COLEC11: variants seen among roughly 807,000 people sequenced by gnomAD.
COLEC11 encodes collectin-11.
A neutral mutation model predicts 27.3 loss-of-function variants in COLEC11; 20 were observed. The observed-to-expected ratio is 0.73, with a 90% CI of 0.51 to 1.06. The LOEUF (loss-of-function observed/expected upper bound fraction) is 1.06. COLEC11 is among the 50% of genes least tolerant of loss of function. COLEC11 has a pLI of 0.00. For missense variants in COLEC11, 310 were observed against 383.0 expected, an observed-to-expected ratio of 0.81 and a Z score of 1.59; for synonymous variants, 163 against 154.7, an observed-to-expected ratio of 1.05 and a Z score of -0.40.
chr2:3,616,687 G>T (rs1317355313), intron 3 of COLEC11, among the ~76,000 whole-genome samples: 3 of 152,252 alleles, frequency 2.0e-5, no homozygotes, highest in Non-Finnish European at 4.4e-5. Context: ...CAGGGAGGTT[G>T]CAGTGAGCCG....
intron 3 of COLEC11, among the ~76,000 whole-genome samples, chr2:3,631,687 C>CCTGCTCGGAGGGGGCT (rs1225664996): frequency 6.6e-6 from 1 of 151,944 alleles, no homozygotes; most frequent in African/African-American, 2.4e-5. Flanking sequence ...CGGAGGGGCC[C>CCTGCTCGGAGGGGGCT]CTGCTCGGAG....
intron 3 of COLEC11, among the ~76,000 whole-genome samples, chr2:3,635,065 A>T: frequency 9.5e-6 from 1 of 105,744 alleles, no homozygotes; most frequent in Admixed American, 8.9e-5. Context: ...TCACCGTCCC[A>T]TGATGATCCC....
At chr2:3,628,167 T>C (rs1664694920) in intron 3 of COLEC11, among the ~76,000 whole-genome samples, 2 of 152,252 alleles carry the variant, frequency 1.3e-5, no homozygotes, top group Admixed American at 1.3e-4. Flanking sequence ...GTTTCATATC[T>C]TCAAATACCT....
intron 3 of COLEC11, among the ~76,000 whole-genome samples, chr2:3,633,486 G>A (rs1665159990): frequency 6.6e-6 from 1 of 152,200 alleles, no homozygotes; most frequent in African/African-American, 2.4e-5. Context: ...CCTTGGAGAA[G>A]TGTGGGACCC....
intron 3 of COLEC11, among the ~76,000 whole-genome samples, chr2:3,621,971 G>T (rs1664219629): frequency 6.6e-6 from 1 of 152,066 alleles, no homozygotes; most frequent in Non-Finnish European, 1.5e-5. Flanking sequence ...GAGGTCAGGA[G>T]TTCAAGACCA....
intron 3 of COLEC11, among the ~76,000 whole-genome samples, chr2:3,618,880 T>C (rs1274439263): frequency 2.6e-5 from 4 of 152,228 alleles, no homozygotes; most frequent in Admixed American, 2.6e-4. Flanking sequence ...TACACAACAC[T>C]TCCTTGGTTA....
chr2:3,630,548 A>G (rs2147935884), intron 3 of COLEC11, among the ~76,000 whole-genome samples: 1 of 152,320 alleles, frequency 6.6e-6, no homozygotes, highest in Admixed American at 6.5e-5. Flanking sequence ...AGATTTTTTA[A>G]GATGAGGAAA....
intron 4 of COLEC11, among the ~76,000 whole-genome samples, chr2:3,639,994 CGATGTCTGCAGAGTGTTCTATCA>C (rs1428971679): frequency 6.6e-6 from 1 of 152,094 alleles, no homozygotes; most frequent in East Asian, 1.9e-4. Context: ...ATTCATGAGG[CGATGTCTGCAGAGTGTTCTATCA>C]GATATCCTGG....
At chr2:3,628,577 G>A (rs970551045) in intron 3 of COLEC11, among the ~76,000 whole-genome samples, 8 of 152,224 alleles carry the variant, frequency 5.3e-5, no homozygotes, top group Non-Finnish European at 1.0e-4. Flanking sequence ...CTGGGTGTGC[G>A]CTGGGGCTTT....
chr2:3,639,275 C>T (rs1367900659), intron 4 of COLEC11, among the ~76,000 whole-genome samples: 9 of 152,242 alleles, frequency 5.9e-5, no homozygotes, highest in Non-Finnish European at 8.8e-5. Context: ...TTGACTCACA[C>T]ATGGGGATGT....
chr2:3,624,695 A>G (rs1664408697), intron 3 of COLEC11, among the ~76,000 whole-genome samples: 2 of 152,114 alleles, frequency 1.3e-5, no homozygotes, highest in Admixed American at 6.5e-5. Flanking sequence ...CAGTGCATCT[A>G]TTCTTGGATT....
intron 3 of COLEC11, among the ~76,000 whole-genome samples, chr2:3,624,852 C>T (rs1266191988): frequency 1.3e-5 from 2 of 152,204 alleles, no homozygotes. Flanking sequence ...CCTAACATCA[C>T]CCATGTGTGC....
intron 2 of COLEC11, among the ~76,000 whole-genome samples, chr2:3,606,952 G>C (rs912093232): frequency 6.6e-6 from 1 of 152,240 alleles, no homozygotes; most frequent in African/African-American, 2.4e-5. Context: ...AGCGTCCGTT[G>C]AGAATCCACC....
chr2:3,641,580 T>G (rs2147967830), intron 5 of COLEC11: 1 of 411,746 alleles, frequency 2.4e-6, no homozygotes, highest in East Asian at 7.9e-5. Flanking sequence ...AAAGCCTCTA[T>G]TACCTCAAAC....
At chr2:3,599,360 T>C (rs963645959) in intron 1 of COLEC11, among the ~76,000 whole-genome samples, 3 of 152,226 alleles carry the variant, frequency 2.0e-5, no homozygotes, top group African/African-American at 7.2e-5. Context: ...CGGGTTTCCC[T>C]GTACCCATTC....
At chr2:3,616,295 G>T (rs1428424901) in intron 3 of COLEC11, among the ~76,000 whole-genome samples, 2 of 150,678 alleles carry the variant, frequency 1.3e-5, no homozygotes, top group Non-Finnish European at 2.9e-5. Flanking sequence ...GGGCAGAGGG[G>T]CTCCTCACAT....
chr2:3,633,895 A>G (rs1160222713), intron 3 of COLEC11, among the ~76,000 whole-genome samples: 2 of 152,212 alleles, frequency 1.3e-5, no homozygotes, highest in Non-Finnish European at 1.5e-5. Context: ...CTGCGCAGAC[A>G]GGGCCTGGGA....
At chr2:3,601,170 G>T (rs1347969756) in intron 1 of COLEC11, among the ~76,000 whole-genome samples, 1 of 152,244 alleles carries the variant, frequency 6.6e-6, no homozygotes, top group Non-Finnish European at 1.5e-5. Context: ...GCCTCGGCGT[G>T]GTGGCAGTGG....
chr2:3,634,730 C>T (rs942299222), intron 3 of COLEC11, among the ~76,000 whole-genome samples: 2 of 152,136 alleles, frequency 1.3e-5, no homozygotes, highest in Admixed American at 1.3e-4. Flanking sequence ...GCTGGACTCA[C>T]AGGCTGCCGT....
Sources: gnomAD v4.1 joint callset for allele counts (sites outside exome capture counted in the v4.1 genomes callset) on GRCh38, gnomAD v4.1.1 for gene constraint, MANE v1.5 for transcripts, NCBI Gene and HGNC (gene_info 2026-07-23, HGNC 2026-07-21) for gene names.